The following ZSWIM6 variants were observed in gnomAD, a reference collection of about 807,000 sequenced individuals.
ZSWIM6 encodes the protein zinc finger SWIM-type containing 6, also known as zinc finger SWIM domain-containing protein 6.
In ZSWIM6, 9 loss-of-function variants were observed where a neutral mutation model predicts 113.2. The ratio of observed to expected loss-of-function variants is 0.08; its 90% CI spans 0.05 to 0.14. ZSWIM6 has a LOEUF of 0.14. Ranked by LOEUF, ZSWIM6 falls within the 10% of genes least tolerant of loss-of-function variation. ZSWIM6 has a pLI of 1.00. For synonymous variants in ZSWIM6, 611 were observed against 606.5 expected (o/e 1.01, Z -0.11); for missense variants, 1,162 against 1,552.2 (o/e 0.75, Z 4.22).
chr5:61,536,517 C>T (rs1318590636), intron 10 of ZSWIM6, among the ~76,000 whole-genome samples: 5 of 152,158 alleles, frequency 3.3e-5, no homozygotes, highest in East Asian at 3.8e-4. Context: ...GACCTAAAAG[C>T]TTGTGTGTGC....
intron 1 of ZSWIM6, among the ~76,000 whole-genome samples, chr5:61,393,373 G>A (rs778612973): frequency 1.3e-5 from 2 of 152,032 alleles, no homozygotes; most frequent in Non-Finnish European, 2.9e-5. Context: ...TAGGTATTCA[G>A]TTTTTCACTA....
intron 1 of ZSWIM6, among the ~76,000 whole-genome samples, chr5:61,334,596 C>T (rs902473531): frequency 3.9e-5 from 6 of 152,260 alleles, no homozygotes; most frequent in Admixed American, 2.6e-4. Context: ...AATTCTAATG[C>T]CATCTGCAAA....
At chr5:61,445,357 CAT>C (rs1746928631) in intron 1 of ZSWIM6, among the ~76,000 whole-genome samples, 1 of 152,148 alleles carries the variant, frequency 6.6e-6, no homozygotes, top group Admixed American at 6.5e-5. Context: ...AGAGCATCAT[CAT>C]ACATCTCCAG....
chr5:61,339,973 T>C (rs1259089872), intron 1 of ZSWIM6, among the ~76,000 whole-genome samples: 2 of 152,214 alleles, frequency 1.3e-5, no homozygotes, highest in Non-Finnish European at 2.9e-5. Flanking sequence ...CTGAGTCTTG[T>C]CTTGTGAAGA....
chr5:61,488,190 T>A (rs1349131939), intron 2 of ZSWIM6, among the ~76,000 whole-genome samples: 2 of 152,110 alleles, frequency 1.3e-5, no homozygotes, highest in Non-Finnish European at 2.9e-5. Context: ...TAAACAATCC[T>A]TGCATCCCTG....
chr5:61,433,868 T>C (rs188279870), intron 1 of ZSWIM6, among the ~76,000 whole-genome samples: 1,678 of 151,702 alleles, frequency 0.011, 19 homozygotes, highest in Middle Eastern at 0.021. Flanking sequence ...AGATCTTTTT[T>C]TCTGATACAA....
intron 1 of ZSWIM6, among the ~76,000 whole-genome samples, chr5:61,339,700 T>C (rs184929154): frequency 1.3e-5 from 2 of 152,304 alleles, no homozygotes; most frequent in East Asian, 3.9e-4. Flanking sequence ...AAGCGGGTTA[T>C]AGGCAGGTCT....
At chr5:61,438,865 CT>C (rs1746766970) in intron 1 of ZSWIM6, among the ~76,000 whole-genome samples, 3 of 151,996 alleles carry the variant, frequency 2.0e-5, no homozygotes, top group African/African-American at 7.3e-5. Flanking sequence ...CTGAGATGTG[CT>C]TTTTAATGGA....
chr5:61,528,354 C>T (rs950920674), intron 7 of ZSWIM6, among the ~76,000 whole-genome samples: 1 of 151,994 alleles, frequency 6.6e-6, no homozygotes, highest in Non-Finnish European at 1.5e-5. Context: ...ATAAGCACAG[C>T]ATTTCCTTTA....
At chr5:61,355,440 ACACACACACACACACAC>A (rs1744881339) in intron 1 of ZSWIM6, among the ~76,000 whole-genome samples, 24 of 40,534 alleles carry the variant, frequency 5.9e-4, no homozygotes, top group African/African-American at 1.9e-3. Context: ...AAACACACAC[ACACACACACACACACAC>A]ACACACACAC....
intron 1 of ZSWIM6, among the ~76,000 whole-genome samples, chr5:61,334,507 C>A (rs557035834): frequency 5.3e-5 from 8 of 152,228 alleles, no homozygotes; most frequent in Admixed American, 2.0e-4. Context: ...TCCTTCTTTT[C>A]TTTGGAAGTG....
At chr5:61,534,608 A>C (rs1485557028) in intron 9 of ZSWIM6, among the ~76,000 whole-genome samples, 1 of 152,192 alleles carries the variant, frequency 6.6e-6, no homozygotes, top group Non-Finnish European at 1.5e-5. Context: ...AAAACTTTAC[A>C]GTAACTAAAC....
At chr5:61,360,612 C>A (rs1259350623) in intron 1 of ZSWIM6, among the ~76,000 whole-genome samples, 1 of 152,238 alleles carries the variant, frequency 6.6e-6, no homozygotes, top group Non-Finnish European at 1.5e-5. Context: ...TACTGCTGAG[C>A]ACTTCAAATG....
chr5:61,379,547 A>G (rs765913602), intron 1 of ZSWIM6, among the ~76,000 whole-genome samples: 6 of 152,228 alleles, frequency 3.9e-5, no homozygotes, highest in Non-Finnish European at 8.8e-5. Flanking sequence ...CTATATGAAG[A>G]CAAATAATTT....
chr5:61,390,543 A>G, intron 1 of ZSWIM6: 1 of 481,950 alleles, frequency 2.1e-6, no homozygotes, highest in East Asian at 4.6e-5. Context: ...TGCTCTGGAG[A>G]GCCTACAAAA....
intron 1 of ZSWIM6, among the ~76,000 whole-genome samples, chr5:61,451,933 A>G (rs1747093971): frequency 6.6e-6 from 1 of 152,168 alleles, no homozygotes; most frequent in Admixed American, 6.5e-5. Context: ...TATGTAGTAT[A>G]TATTAAAGAA....
chr5:61,385,936 A>G lies in ZSWIM6; in HGVS notation c.676+52988A>G, dbSNP rs540953138. Among the ~76,000 whole-genome samples the G allele has an allele frequency of 4.2e-4, 64 of 152,206 alleles. 1 individual carries two copies. In the East Asian group the frequency reaches 0.011, roughly 26 times the overall value. On this transcript the variant is annotated intron_variant, in intron 1 of 13. Coordinates refer to ENST00000252744, the MANE Select transcript of ZSWIM6 (RefSeq NM_020928.2). The stretch of plus-strand genomic sequence containing the variant: ...GGTTCTTGCACAGGCTCAGGGGGAG[A>G]ACCCTCCCAATAGCCACACTTCTTG...
intron 10 of ZSWIM6, among the ~76,000 whole-genome samples, chr5:61,537,879 A>G (rs1168102900): frequency 1.3e-5 from 2 of 152,184 alleles, no homozygotes; most frequent in African/African-American, 4.8e-5. Flanking sequence ...GCTTTTTGGT[A>G]CTTTTAGAAG....
intron 1 of ZSWIM6, among the ~76,000 whole-genome samples, chr5:61,457,820 G>A (rs934575110): frequency 1.3e-5 from 2 of 152,098 alleles, no homozygotes; most frequent in African/African-American, 4.8e-5. Context: ...GCTGCACCCA[G>A]CCCCATATAT....
Sources: gnomAD v4.1 joint callset for allele counts (sites outside exome capture counted in the v4.1 genomes callset) on GRCh38, gnomAD v4.1.1 for gene constraint, MANE v1.5 for transcripts, NCBI Gene and HGNC (gene_info 2026-07-23, HGNC 2026-07-21) for gene names.